The following DGKG variants were observed in gnomAD, a reference collection of about 807,000 sequenced individuals.
DGKG encodes diacylglycerol kinase gamma.
Under a neutral mutation model 105.3 loss-of-function variants are expected in DGKG, and 78 were observed. The observed-to-expected ratio is 0.74, with a 90% confidence interval of 0.62 to 0.89. DGKG has a LOEUF of 0.89. DGKG is among the 40% of genes least tolerant of loss of function. The pLI is 0.00. For synonymous variants in DGKG, 346 were observed against 367.1 expected (o/e 0.94, Z 0.66); for missense variants, 958 against 1,020.1 (o/e 0.94, Z 0.83).
chr3:186,285,514 CT>C lies in DGKG; in HGVS notation c.545-806del, dbSNP rs544787286. Among the ~76,000 whole-genome samples the C allele has an allele frequency of 3.0e-3, 461 of 152,134 alleles. 4 individuals carry two copies. Among genetic ancestry groups the C allele is most frequent in the African/African-American group, 0.011 (447 of 41,506 alleles). ...GGAAGTGATGTAGGATAAGGAAGAT[CT>C]GGGAGAAAAATCTGGACAAGGGACT... is the stretch of plus-strand genomic sequence containing the variant. On this transcript the variant is annotated intron_variant, in intron 6 of 24. Coordinates refer to ENST00000265022, the MANE Select transcript of DGKG (RefSeq NM_001346.3).
rs771765762 is a variant in DGKG at position 186,307,022 on chromosome 3, T to C, written c.68-45A>G. On this transcript the variant is annotated intron_variant, in intron 2 of 24. Transcript: ENST00000265022. ...ATGTGAAACACTGGCAAATAGCTAA[T>C]GGAAGCTGGGCCAAGTAAATTCTCC... The C allele has an allele frequency of 4.4e-6, 6 of 1,359,122 alleles. No homozygotes were observed. The Admixed American group carries it at 5.1e-5, about 12-fold the overall frequency. The allele number at this position is 1,359,122 out of a possible 1,614,324, so 84.2% of individuals were successfully genotyped here. A position where few individuals can be genotyped will look rare whatever the true frequency, so the allele number is the denominator to read the frequency against.
chr3:186,188,367 C>T lies in DGKG; in HGVS notation c.1930G>A (p.Gly644Arg). The change falls in exon 22 of 25, where the codon GGG becomes AGG. Residue 644 changes from glycine (G) to arginine (R), a missense_variant. By Grantham distance (125) the Gly-to-Arg change is moderately radical. Transcript: ENST00000265022. ...AGGAAGATGTTGCTCAGGTCCACCC[C>T]AACCCCATCACACTGGAGGACGGAG... ...DHIELECDGV[G>R]VDLSNIFLEG... is the part of the protein sequence containing the mutation. 6.2e-7 allele frequency: 1 copy of T among 1,614,018 alleles called. No individual in the cohort carries two copies. The highest frequency in any genetic ancestry group is 2.2e-5 in the East Asian group (1 of 44,878).
At chr3:186,278,646 C>T (rs909095436) in intron 9 of DGKG, among the ~76,000 whole-genome samples, 1 of 152,140 alleles carries the variant, frequency 6.6e-6, no homozygotes, top group Non-Finnish European at 1.5e-5. Context: ...GCTTGGAAAG[C>T]ACTGGACATG....
At chr3:186,301,380 C>G (rs546840479) in intron 3 of DGKG, among the ~76,000 whole-genome samples, 5 of 152,324 alleles carry the variant, frequency 3.3e-5, no homozygotes, top group African/African-American at 1.2e-4. Context: ...GTAATCCCAG[C>G]TCTTTGGGAG....
chr3:186,308,157 G>A (rs372469811), intron 2 of DGKG, among the ~76,000 whole-genome samples: 5 of 152,164 alleles, frequency 3.3e-5, no homozygotes, highest in African/African-American at 1.2e-4. Context: ...CATCAAACAT[G>A]GTGTTTTCGA....
chr3:186,334,030 T>C (rs960933990), intron 1 of DGKG, among the ~76,000 whole-genome samples: 1 of 152,114 alleles, frequency 6.6e-6, no homozygotes, highest in African/African-American at 2.4e-5. Context: ...GTGTTCTCCC[T>C]CCCCTCTCTC....
intron 22 of DGKG, among the ~76,000 whole-genome samples, chr3:186,181,627 G>A (rs557277043): frequency 3.0e-4 from 45 of 152,334 alleles, no homozygotes; most frequent in Non-Finnish European, 5.1e-4. Context: ...CAGCTACCTC[G>A]GAGGCTGAGG....
intron 19 of DGKG, among the ~76,000 whole-genome samples, chr3:186,248,416 T>C (rs989000821): frequency 2.6e-5 from 4 of 152,270 alleles, no homozygotes; most frequent in Non-Finnish European, 5.9e-5. Flanking sequence ...CCTCTCCATT[T>C]ATTTCAGTTC....
At chr3:186,242,136 T>A (rs950106835) in intron 20 of DGKG, among the ~76,000 whole-genome samples, 3 of 152,070 alleles carry the variant, frequency 2.0e-5, no homozygotes, top group Non-Finnish European at 2.9e-5. Context: ...CCCAAAAGAA[T>A]CATGAGGGGC....
At chr3:186,167,760 TTCACTCACTCAC>T (rs56211107) in intron 22 of DGKG, among the ~76,000 whole-genome samples, 20,324 of 150,662 alleles carry the variant, frequency 0.13, 1,514 homozygotes, top group South Asian at 0.22. Context: ...AAAACAGGAA[TTCACTCACTCAC>T]TCACTCACTC....
At position 186,188,372 on chromosome 3, in the gene DGKG, C is replaced by A. The variant is rs1242540257; in HGVS notation, c.1925G>T (p.Gly642Val). 3.7e-6 allele frequency: 6 copies of A among 1,614,008 alleles called. No homozygotes were observed. Among genetic ancestry groups the A allele is most frequent in the Non-Finnish European group, 5.1e-6 (6 of 1,180,004 alleles). ...LHDHIELECD[G>V]VGVDLSNIFL... ...GATGTTGCTCAGGTCCACCCCAACCCCATCACACTGGAGGACGGAGAGAAA... is the reference window on the plus strand; with the variant it reads ...GATGTTGCTCAGGTCCACCCCAACCACATCACACTGGAGGACGGAGAGAAA... Residue 642 changes from glycine to valine, a missense_variant, in exon 22 of 25, where the codon GGG (glycine) becomes GTG (valine). By Grantham distance (109) the Gly-to-Val change is moderately radical. This residue lies in a region of DGKG where 315 missense variants were observed against 400.6 expected (regional missense o/e 0.79). Transcript: ENST00000265022.
intron 23 of DGKG, among the ~76,000 whole-genome samples, chr3:186,163,286 G>A (rs947066931): frequency 3.3e-5 from 5 of 152,078 alleles, no homozygotes; most frequent in South Asian, 4.1e-4. Flanking sequence ...GATTACAGAC[G>A]TGAGCCACCA....
At chr3:186,317,972 A>C (rs1167121343) in intron 2 of DGKG, among the ~76,000 whole-genome samples, 2 of 152,032 alleles carry the variant, frequency 1.3e-5, no homozygotes, top group Non-Finnish European at 2.9e-5. Flanking sequence ...TTCAGTCTGC[A>C]AGGTATCTTT....
In DGKG at chr3:186,298,190, A is replaced by G. The variant is rs1352359091; in HGVS notation, c.184T>C (p.Tyr62His). ...YDVFKLFMRA[Y>H]LEVDLPQPLS... ...GGCTGGGGAAGGTCCACCTCCAGGT[A>G]CGCCCTCATGAACAGCTTGAAGACA... The change falls in exon 4 of 25, where the codon TAC (tyrosine) becomes CAC (histidine). Residue 62 changes from tyrosine to histidine, a missense_variant. Around this residue, in one of 2 missense-constraint regions of DGKG, gnomAD observed 643 missense variants for 619.5 expected, o/e 1.04. Transcript: ENST00000265022. 1 of 1,613,296 alleles carries G rather than the reference A, an allele frequency of 6.2e-7. No individual in the cohort carries two copies. Among genetic ancestry groups the G allele is most frequent in the African/African-American group, 1.3e-5 (1 of 75,048 alleles).
chr3:186,305,695 C>T (rs762631791), intron 3 of DGKG, among the ~76,000 whole-genome samples: 2 of 152,054 alleles, frequency 1.3e-5, no homozygotes, highest in South Asian at 2.1e-4. Flanking sequence ...TGACTCAGGT[C>T]GGGATGCTAG....
At chr3:186,295,835 T>G (rs568793652) in intron 5 of DGKG, among the ~76,000 whole-genome samples, 1 of 152,118 alleles carries the variant, frequency 6.6e-6, no homozygotes, top group South Asian at 2.1e-4. Flanking sequence ...AGTATACTTC[T>G]GTGCTGGGTG....
In DGKG at chr3:186,226,834, T is replaced by C. The variant is rs1719881520; in HGVS notation, c.1827-14949A>G. Among the ~76,000 whole-genome samples, 1 of 152,218 alleles carries C rather than the reference T, an allele frequency of 6.6e-6. No individual in the cohort carries two copies. Among genetic ancestry groups the C allele is most frequent in the Non-Finnish European group, 1.5e-5 (1 of 68,036 alleles). On this transcript the variant is annotated intron_variant, in intron 20 of 24. Transcript: ENST00000265022. The surrounding 1 kb of genome is among the most constrained non-coding windows in gnomAD (Gnocchi z 4.2). ...AATCTAAGTGTAGGTTCAATAAACA[T>C]GAATATTCAGCAATTACGTAATTCC...
chr3:186,148,227 T>C lies in DGKG; in HGVS notation c.*1863A>G. On this transcript the variant is annotated 3_prime_UTR_variant, in exon 25 of 25. Transcript: ENST00000265022. ...CTGAATGAAGCCCACTGAGCTCTGCTGAGACCCCTCTGTCCTGGCTGGCAG... is the reference window on the plus strand; with the variant it reads ...CTGAATGAAGCCCACTGAGCTCTGCCGAGACCCCTCTGTCCTGGCTGGCAG... 1.0e-6 allele frequency: 1 copy of C among 985,498 alleles called. No homozygotes were observed. The allele number at this position is 985,498 out of a possible 1,614,324, so 61.0% of individuals were successfully genotyped here.
rs529300141 is a variant in DGKG at position 186,149,718 on chromosome 3, G to C, written c.*372C>G. The C allele has an allele frequency of 2.0e-6, 2 of 1,015,866 alleles. No individual in the cohort carries two copies. Among genetic ancestry groups the C allele is most frequent in the Non-Finnish European group, 2.4e-6 (2 of 848,248 alleles). 62.9% of individuals were successfully genotyped at this position (1,015,866 alleles called of 1,614,324 possible). A position where few individuals can be genotyped will look rare whatever the true frequency, so the allele number is the denominator to read the frequency against. On this transcript the variant is annotated 3_prime_UTR_variant, in exon 25 of 25. Coordinates refer to ENST00000265022, the MANE Select transcript of DGKG (RefSeq NM_001346.3). ...GCAGGAAACCTGCAGCCTGCTCCTC[G>C]CGAGCGTCCATGAGGAAACTTGCAG...
Sources: gnomAD v4.1 joint callset for allele counts (sites outside exome capture counted in the v4.1 genomes callset) on GRCh38, gnomAD v4.1.1 for gene constraint, gnomAD v4.1.1 regional missense constraint, Gnocchi (gnomAD v3.1) non-coding constraint, MANE v1.5 for transcripts, NCBI Gene and HGNC (gene_info 2026-07-23, HGNC 2026-07-21) for gene names.